The following B4GALT6 variants were observed in gnomAD, a reference collection of about 807,000 sequenced individuals.
The protein encoded by B4GALT6 is beta-1,4-galactosyltransferase 6.
A neutral mutation model predicts 46.3 loss-of-function variants in B4GALT6; 14 were observed. The observed-to-expected ratio is 0.30, with a 90% CI of 0.20 to 0.47. The LOEUF is 0.47. Ranked by LOEUF, B4GALT6 falls within the 20% of genes least tolerant of loss-of-function variation. B4GALT6 has a pLI of 0.99. For missense variants in B4GALT6, 386 were observed against 480.1 expected (o/e 0.80, Z 1.83); for synonymous variants, 168 against 162.0 (o/e 1.04, Z -0.28).
the B4GALT6 span, among the ~76,000 whole-genome samples, chr18:31,709,267 G>T: frequency 1.3e-5 from 2 of 150,730 alleles, no homozygotes; most frequent in African/African-American, 2.4e-5. Flanking sequence ...ATCTCACTAT[G>T]TTGCCCAGGC....
rs762503282 is a variant in B4GALT6 at position 31,631,025 on chromosome 18, C to T, written c.710G>A (p.Arg237Gln). 2.0e-5 allele frequency: 32 copies of T among 1,613,976 alleles called. No individual in the cohort carries two copies. Among genetic ancestry groups the T allele is most frequent in the African/African-American group, 5.3e-5 (4 of 74,884 alleles). ...CATTTCTCCACATCCGTAATAGTTC[C>T]GGTCATTTTCAGGTAGATGATCCAC... ...HDVDHLPENDRNYYGCGEMPR... is the reference protein window; with the variant it reads ...HDVDHLPENDQNYYGCGEMPR... Residue 237 changes from arginine to glutamine, a missense_variant, in exon 6 of 9, where the codon CGG becomes CAG. Physicochemically the swap from Arg to Gln is conservative, Grantham distance 43. This residue lies in a region of B4GALT6 where 323 missense variants were observed against 438.9 expected (regional missense o/e 0.74). Coordinates refer to ENST00000306851, the MANE Select transcript of B4GALT6 (RefSeq NM_004775.5).
the B4GALT6 span, chr18:31,724,386 C>A: frequency 9.1e-7 from 1 of 1,104,726 alleles, no homozygotes; most frequent in East Asian, 7.3e-5. Context: ...CCTCTGACTC[C>A]CTGGGGCCAA....
intron 1 of B4GALT6, among the ~76,000 whole-genome samples, chr18:31,683,111 C>T (rs1397789363): frequency 6.6e-6 from 1 of 152,192 alleles, no homozygotes; most frequent in Non-Finnish European, 1.5e-5. Context: ...AGTTTATACA[C>T]CTCACTGAAT....
chr18:31,665,068 A>T (rs764633560), intron 2 of B4GALT6, among the ~76,000 whole-genome samples: 8 of 152,242 alleles, frequency 5.3e-5, no homozygotes, highest in Non-Finnish European at 8.8e-5. Flanking sequence ...GAAGGGTCTA[A>T]AACTATCACC....
chr18:31,682,041 T>C lies in B4GALT6; in HGVS notation c.115+2271A>G, dbSNP rs536623138. 8.2e-4 allele frequency among the ~76,000 whole-genome samples: 125 copies of C among 152,328 alleles called. 1 individual carries two copies. The highest frequency in any genetic ancestry group is 2.8e-3 in the African/African-American group (117 of 41,578). ...TAAGAAATCTGAAGCACTTGTGCAATTGATTGATTGCTGCAGTATGGACTC... is the reference window on the plus strand; with the variant it reads ...TAAGAAATCTGAAGCACTTGTGCAACTGATTGATTGCTGCAGTATGGACTC... On this transcript the variant is annotated intron_variant, in intron 1 of 8. Coordinates refer to ENST00000306851, the MANE Select transcript of B4GALT6 (RefSeq NM_004775.5).
intron 1 of B4GALT6, among the ~76,000 whole-genome samples, chr18:31,679,153 A>T (rs1399785359): frequency 6.6e-6 from 1 of 152,238 alleles, no homozygotes; most frequent in Non-Finnish European, 1.5e-5. Context: ...AGTAATGATA[A>T]GCACTGCTGC....
chr18:31,694,574 A>G, the B4GALT6 span, among the ~76,000 whole-genome samples: 1 of 152,238 alleles, frequency 6.6e-6, no homozygotes, highest in Admixed American at 6.5e-5. Context: ...ACTTCAGTCA[A>G]AGGCCTTTGC....
intron 1 of B4GALT6, among the ~76,000 whole-genome samples, chr18:31,666,727 C>T (rs1567978127): frequency 6.6e-6 from 1 of 152,084 alleles, no homozygotes; most frequent in Non-Finnish European, 1.5e-5. Context: ...CCTACAGTTA[C>T]AAAATTCAGT....
intron 2 of B4GALT6, among the ~76,000 whole-genome samples, chr18:31,660,053 A>G (rs2144657448): frequency 6.7e-6 from 1 of 150,310 alleles, no homozygotes; most frequent in South Asian, 2.1e-4. Flanking sequence ...CCTGGGCTCA[A>G]GTGATCCTCC....
chr18:31,626,933 CA>C (rs1266998543), intron 7 of B4GALT6, 65 bp downstream of exon 7: 10 of 1,396,874 alleles, frequency 7.2e-6, no homozygotes, highest in Non-Finnish European at 4.0e-6. Flanking sequence ...ATAAGTACTA[CA>C]ATTTACCTAA....
the B4GALT6 span, among the ~76,000 whole-genome samples, chr18:31,722,524 A>C: frequency 6.6e-6 from 1 of 152,208 alleles, no homozygotes; most frequent in Admixed American, 6.5e-5. Context: ...AGTCTTCCTC[A>C]GTAGTGCTCT....
chr18:31,706,188 G>C, the B4GALT6 span, among the ~76,000 whole-genome samples: 1 of 151,998 alleles, frequency 6.6e-6, no homozygotes, highest in Non-Finnish European at 1.5e-5. Flanking sequence ...ATACACATAT[G>C]TATATGTATA....
intron 3 of B4GALT6, 87 bp downstream of exon 3, chr18:31,657,889 T>C: frequency 1.0e-6 from 1 of 958,788 alleles, no homozygotes; most frequent in East Asian, 2.4e-5. Flanking sequence ...GCACATGACC[T>C]GCTCCTGCTG....
intron 6 of B4GALT6, among the ~76,000 whole-genome samples, chr18:31,627,782 T>C (rs1046907648): frequency 1.3e-5 from 2 of 152,248 alleles, no homozygotes; most frequent in African/African-American, 4.8e-5. Flanking sequence ...GCAATGTTTT[T>C]AAACTTTTCT....
the B4GALT6 span, among the ~76,000 whole-genome samples, chr18:31,712,505 G>T: frequency 2.0e-5 from 3 of 151,856 alleles, no homozygotes; most frequent in Non-Finnish European, 2.9e-5. Flanking sequence ...GTTTCACTTT[G>T]TTGGCCAGGC....
chr18:31,693,239 A>G, the B4GALT6 span, among the ~76,000 whole-genome samples: 27 of 152,296 alleles, frequency 1.8e-4, no homozygotes, highest in African/African-American at 5.8e-4. Context: ...CACAACACAC[A>G]TTGTGGAACC....
intron 3 of B4GALT6, among the ~76,000 whole-genome samples, chr18:31,651,969 A>G (rs564158411): frequency 6.6e-6 from 1 of 151,992 alleles, no homozygotes; most frequent in South Asian, 2.1e-4. Flanking sequence ...ACGGGGTTTC[A>G]CTGTGTTAGC....
chr18:31,723,176 TTC>T, the B4GALT6 span, among the ~76,000 whole-genome samples: 6 of 152,226 alleles, frequency 3.9e-5, no homozygotes, highest in African/African-American at 1.4e-4. Context: ...GGCTTCTAAT[TTC>T]TTTTTTAATT....
chr18:31,673,270 TA>T (rs1246054798), intron 1 of B4GALT6, among the ~76,000 whole-genome samples: 2 of 150,194 alleles, frequency 1.3e-5, no homozygotes, highest in African/African-American at 2.5e-5. Flanking sequence ...ATGGAGAGTT[TA>T]AAAAAAAACA....
Sources: gnomAD v4.1 joint callset for allele counts (sites outside exome capture counted in the v4.1 genomes callset) on GRCh38, gnomAD v4.1.1 for gene constraint, gnomAD v4.1.1 regional missense constraint, MANE v1.5 for transcripts, NCBI Gene and HGNC (gene_info 2026-07-23, HGNC 2026-07-21) for gene names.